The following CTNNA3 variants were observed in gnomAD, a reference collection of about 807,000 sequenced individuals.
CTNNA3 encodes catenin alpha 3.
Under a neutral mutation model 95.7 loss-of-function variants are expected in CTNNA3, and 76 were observed. The ratio of observed to expected loss-of-function variants is 0.79; its 90% CI spans 0.66 to 0.96. The LOEUF is 0.96. Ranked by LOEUF, CTNNA3 falls within the 40% of genes least tolerant of loss-of-function variation. The pLI is 0.00. For missense variants in CTNNA3, 1,191 were observed against 1,089.8 expected, an observed-to-expected ratio of 1.09 and a Z score of -1.31; for synonymous variants, 431 against 374.4, an observed-to-expected ratio of 1.15 and a Z score of -1.74.
chr10:66,711,629 A>C (rs756375951), intron 9 of CTNNA3, among the ~76,000 whole-genome samples: 3 of 151,962 alleles, frequency 2.0e-5, no homozygotes, highest in Non-Finnish European at 2.9e-5. Flanking sequence ...GCTCACTGCA[A>C]ACTTCACCTC....
chr10:66,536,380 G>C (rs549016781), intron 10 of CTNNA3, among the ~76,000 whole-genome samples: 1 of 150,832 alleles, frequency 6.6e-6, no homozygotes, highest in African/African-American at 2.4e-5. Context: ...TACTCAGGAA[G>C]CAGAGGCAGG....
chr10:67,751,809 T>C (rs1032530906), intron 1 of CTNNA3, among the ~76,000 whole-genome samples: 3 of 150,338 alleles, frequency 2.0e-5, no homozygotes, highest in East Asian at 3.9e-4. Flanking sequence ...AGTTCTGAAA[T>C]TGGGGCAGTA....
intron 5 of CTNNA3, among the ~76,000 whole-genome samples, chr10:67,247,673 T>C (rs1294189473): frequency 3.3e-5 from 5 of 152,128 alleles, no homozygotes; most frequent in Admixed American, 3.3e-4. Context: ...AATCCTAAAA[T>C]TCATATGAAA....
intron 5 of CTNNA3, among the ~76,000 whole-genome samples, chr10:67,347,113 G>T: frequency 6.6e-6 from 1 of 150,574 alleles, no homozygotes; most frequent in Admixed American, 6.6e-5. Flanking sequence ...CCAGGCTAGA[G>T]ATCTCAGCTC....
chr10:66,515,855 A>G (rs1344433617), intron 11 of CTNNA3, among the ~76,000 whole-genome samples: 1 of 152,032 alleles, frequency 6.6e-6, no homozygotes, highest in Non-Finnish European at 1.5e-5. Context: ...CCCTCCCACA[A>G]CAACATGTGG....
chr10:67,114,004 G>C (rs944208690), intron 7 of CTNNA3, among the ~76,000 whole-genome samples: 1 of 151,746 alleles, frequency 6.6e-6, no homozygotes, highest in East Asian at 1.9e-4. Flanking sequence ...GATCACTGGA[G>C]CCCAGGAGTT....
intron 12 of CTNNA3, among the ~76,000 whole-genome samples, chr10:66,377,369 G>A (rs1589160230): frequency 6.6e-6 from 1 of 152,086 alleles, no homozygotes; most frequent in Admixed American, 6.5e-5. Context: ...TCTTCTGAAT[G>A]TGATAATGTA....
At chr10:66,233,380 A>G (rs74822094) in intron 13 of CTNNA3, among the ~76,000 whole-genome samples, 103 of 152,224 alleles carry the variant, frequency 6.8e-4, no homozygotes, top group African/African-American at 2.4e-3. Flanking sequence ...TAAGCTACCA[A>G]GTGAACAGTA....
At chr10:67,125,470 G>T (rs1056219902) in intron 7 of CTNNA3, among the ~76,000 whole-genome samples, 1 of 152,052 alleles carries the variant, frequency 6.6e-6, no homozygotes, top group African/African-American at 2.4e-5. Context: ...TGCCCCTAAA[G>T]CCTAAAAGTG....
At chr10:66,772,931 A>G (rs1468664137) in intron 8 of CTNNA3, among the ~76,000 whole-genome samples, 2 of 152,220 alleles carry the variant, frequency 1.3e-5, no homozygotes, top group African/African-American at 2.4e-5. Context: ...TGAACATTAA[A>G]TACTCCAAAG....
At chr10:67,671,885 T>C (rs1257756508) in intron 1 of CTNNA3, among the ~76,000 whole-genome samples, 1 of 152,132 alleles carries the variant, frequency 6.6e-6, no homozygotes, top group African/African-American at 2.4e-5. Context: ...AGTAATGGGA[T>C]GGCTGGGTCA....
intron 9 of CTNNA3, among the ~76,000 whole-genome samples, chr10:66,700,147 C>T (rs371544065): frequency 6.6e-6 from 1 of 151,722 alleles, no homozygotes; most frequent in South Asian, 2.1e-4. Context: ...TTTTATAGTC[C>T]CACTTGTTTA....
chr10:66,863,209 A>G (rs201556170), intron 7 of CTNNA3, among the ~76,000 whole-genome samples: 5 of 147,154 alleles, frequency 3.4e-5, no homozygotes, highest in African/African-American at 7.5e-5. Context: ...ACACACACAC[A>G]CGCACACACA....
chr10:66,307,953 T>G (rs10822802), intron 12 of CTNNA3, among the ~76,000 whole-genome samples: 41,219 of 152,014 alleles, frequency 0.27, 5,955 homozygotes, highest in African/African-American at 0.35. Flanking sequence ...GGGCAGTAGT[T>G]CCTGAGGCAT....
intron 9 of CTNNA3, among the ~76,000 whole-genome samples, chr10:66,724,693 C>G (rs537773534): frequency 6.6e-6 from 1 of 152,246 alleles, no homozygotes; most frequent in Non-Finnish European, 1.5e-5. Context: ...GACAAAAACT[C>G]TCAACATACT....
intron 11 of CTNNA3, among the ~76,000 whole-genome samples, chr10:66,514,415 T>C (rs533643787): frequency 6.6e-6 from 1 of 152,258 alleles, no homozygotes; most frequent in East Asian, 1.9e-4. Flanking sequence ...ATTTAAAATA[T>C]AGAATAAAAC....
intron 15 of CTNNA3, among the ~76,000 whole-genome samples, chr10:66,036,614 G>T (rs2079568378): frequency 6.6e-6 from 1 of 151,912 alleles, no homozygotes; most frequent in Admixed American, 6.6e-5. Flanking sequence ...GGCCTCAGGT[G>T]ATCCACCCAC....
chr10:65,937,340 T>C (rs2077356956), intron 17 of CTNNA3, among the ~76,000 whole-genome samples: 1 of 152,162 alleles, frequency 6.6e-6, no homozygotes, highest in African/African-American at 2.4e-5. Context: ...AACCATAGAA[T>C]AAGTTCAGAG....
rs113428232 is a variant in CTNNA3, at chr10:66,246,648, G to A, written c.1884+33822C>T. Among the ~76,000 whole-genome samples the A allele has an allele frequency of 2.1e-3, 314 of 151,896 alleles. 1 individual carries two copies. Among genetic ancestry groups the A allele is most frequent in the African/African-American group, 7.4e-3 (306 of 41,404 alleles). On this transcript the variant is annotated intron_variant, in intron 13 of 17. Coordinates refer to ENST00000433211, the MANE Select transcript of CTNNA3 (RefSeq NM_013266.4). ...AGAATTCTATCAGATGATTTTAACA[G>A]AGACTGAAATTAAAAAAAAAAGCAG...
Sources: gnomAD v4.1 joint callset for allele counts (sites outside exome capture counted in the v4.1 genomes callset) on GRCh38, gnomAD v4.1.1 for gene constraint, MANE v1.5 for transcripts, NCBI Gene and HGNC (gene_info 2026-07-23, HGNC 2026-07-21) for gene names.